PLXNA4: variants seen among roughly 807,000 people sequenced by gnomAD.
The protein encoded by PLXNA4 is plexin-A4.
Under a neutral mutation model 191.8 loss-of-function variants are expected in PLXNA4, and 44 were observed. The observed-to-expected ratio is 0.23, with a 90% CI of 0.18 to 0.29. The LOEUF (loss-of-function observed/expected upper bound fraction) is 0.29. Among genes scored for constraint, PLXNA4 ranks in the 10% least tolerant of loss-of-function variants. The pLI is 1.00. For synonymous variants in PLXNA4, 1,082 were observed against 1,009.5 expected, an observed-to-expected ratio of 1.07 and a Z score of -1.36; for missense variants, 1,800 against 2,488.8, an observed-to-expected ratio of 0.72 and a Z score of 5.89.
chr7:132,402,833 A>T (rs914556892), intron 3 of PLXNA4, among the ~76,000 whole-genome samples: 1 of 152,266 alleles, frequency 6.6e-6, no homozygotes, highest in Admixed American at 6.5e-5. Flanking sequence ...CAGCATGGAC[A>T]GAAACTGCGT....
chr7:132,278,350 G>C (rs1234508718), intron 4 of PLXNA4, among the ~76,000 whole-genome samples: 1 of 152,170 alleles, frequency 6.6e-6, no homozygotes, highest in African/African-American at 2.4e-5. Flanking sequence ...TCTGAGACTG[G>C]GAGGCAGACT....
At chr7:132,648,157 ACATT>A (rs561244744) in intron 1 of PLXNA4, among the ~76,000 whole-genome samples, 200 of 152,236 alleles carry the variant, frequency 1.3e-3, no homozygotes, top group Non-Finnish European at 2.5e-3. Flanking sequence ...ACTTATGCAT[ACATT>A]CAGTCACACA....
At chr7:132,348,404 C>T (rs529936919) in intron 3 of PLXNA4, among the ~76,000 whole-genome samples, 6 of 152,308 alleles carry the variant, frequency 3.9e-5, no homozygotes, top group East Asian at 3.9e-4. Flanking sequence ...AGGACACAAC[C>T]GACAAATCCA....
intron 4 of PLXNA4, among the ~76,000 whole-genome samples, chr7:132,286,818 C>A (rs1800699500): frequency 6.6e-6 from 1 of 152,188 alleles, no homozygotes; most frequent in African/African-American, 2.4e-5. Context: ...ACATAGCTCT[C>A]TCTGATTAGG....
At chr7:132,448,825 T>C (rs1427608870) in intron 3 of PLXNA4, among the ~76,000 whole-genome samples, 1 of 152,210 alleles carries the variant, frequency 6.6e-6, no homozygotes, top group Non-Finnish European at 1.5e-5. Context: ...TGCACATTTA[T>C]ACATAGCCCA....
intron 30 of PLXNA4, among the ~76,000 whole-genome samples, chr7:132,137,949 A>G (rs947035156): frequency 6.7e-6 from 1 of 150,126 alleles, no homozygotes; most frequent in African/African-American, 2.5e-5. Context: ...AAGATGGGTG[A>G]GAGGACAGAT....
At chr7:132,358,556 A>G (rs1803803814) in intron 3 of PLXNA4, among the ~76,000 whole-genome samples, 1 of 152,190 alleles carries the variant, frequency 6.6e-6, no homozygotes, top group Non-Finnish European at 1.5e-5. Context: ...ATCTTTGGGT[A>G]TGGCCGTTTA....
At chr7:132,258,402 ACT>A (rs1799506923) in intron 4 of PLXNA4, among the ~76,000 whole-genome samples, 1 of 151,966 alleles carries the variant, frequency 6.6e-6, no homozygotes. Flanking sequence ...GCTCTCTCTC[ACT>A]CATACTTCAG....
intron 21 of PLXNA4, among the ~76,000 whole-genome samples, chr7:132,174,378 C>A (rs942586680): frequency 2.0e-5 from 3 of 152,204 alleles, no homozygotes; most frequent in Admixed American, 2.0e-4. Flanking sequence ...AGTGGTAAAT[C>A]CCATATATAT....
intron 5 of PLXNA4, among the ~76,000 whole-genome samples, chr7:132,240,127 T>A (rs556910996): frequency 6.6e-5 from 10 of 152,334 alleles, no homozygotes; most frequent in African/African-American, 2.2e-4. Context: ...GTAGGAAGAC[T>A]AAGGTTTTTC....
Position 132,223,541 on chromosome 7 carries a change from C to A in PLXNA4, c.2083G>T (p.Val695Leu), listed in dbSNP as rs776801633. 1.9e-6 allele frequency: 3 copies of A among 1,613,174 alleles called. No individual in the cohort carries two copies. Among genetic ancestry groups the A allele is most frequent in the Admixed American group, 1.7e-5 (1 of 59,968 alleles). ...CAGGGACCTACCTCGGGCAGCTTCA[C>A]TCGGCCTTCCTGGAAGGAGCAGGTC... ...PKTCSFQEGR[V>L]KLPEDCPQLL... The change falls in exon 9 of 32, where the codon GTG (valine) becomes TTG (leucine). Residue 695 changes from valine (V) to leucine (L), a missense_variant. By Grantham distance (32) the Val-to-Leu change is conservative. This residue lies in a region of PLXNA4 where 1,397 missense variants were observed against 1,880.4 expected (regional missense o/e 0.74). Coordinates refer to ENST00000321063, the MANE Select transcript of PLXNA4 (RefSeq NM_020911.2).
intron 14 of PLXNA4, among the ~76,000 whole-genome samples, chr7:132,191,336 C>T (rs954371336): frequency 6.6e-6 from 1 of 152,142 alleles, no homozygotes; most frequent in African/African-American, 2.4e-5. Flanking sequence ...CACAGCCCAA[C>T]AGGATTGTAG....
intron 16 of PLXNA4, among the ~76,000 whole-genome samples, chr7:132,184,136 T>C (rs1031884007): frequency 2.0e-5 from 3 of 152,206 alleles, no homozygotes; most frequent in Non-Finnish European, 2.9e-5. Context: ...AGACCACTTC[T>C]GCATGTACTT....
At chr7:132,391,479 G>C (rs915028131) in intron 3 of PLXNA4, among the ~76,000 whole-genome samples, 1 of 152,224 alleles carries the variant, frequency 6.6e-6, no homozygotes, top group Admixed American at 6.5e-5. Flanking sequence ...GGATCCTGGG[G>C]CTAGCCAAAG....
intron 2 of PLXNA4, among the ~76,000 whole-genome samples, chr7:132,590,719 C>T (rs1374751558): frequency 6.6e-6 from 1 of 152,188 alleles, no homozygotes; most frequent in Non-Finnish European, 1.5e-5. Context: ...TGTGCCTCTC[C>T]TAGTCCAACT....
At chr7:132,488,023 G>A (rs930672736) in intron 3 of PLXNA4, among the ~76,000 whole-genome samples, 1 of 152,192 alleles carries the variant, frequency 6.6e-6, no homozygotes, top group Non-Finnish European at 1.5e-5. Context: ...AAATTAGGCA[G>A]TTACTTCCTC....
chr7:132,477,288 G>T (rs991224490), intron 3 of PLXNA4, among the ~76,000 whole-genome samples: 6 of 152,174 alleles, frequency 3.9e-5, no homozygotes, highest in Non-Finnish European at 7.3e-5. Flanking sequence ...TCCAGGCAGG[G>T]TTATATTTTC....
intron 3 of PLXNA4, among the ~76,000 whole-genome samples, chr7:132,325,204 T>G (rs1263171789): frequency 6.6e-6 from 1 of 152,244 alleles, no homozygotes; most frequent in African/African-American, 2.4e-5. Context: ...CTAGGGTGCC[T>G]AACAGTTTCT....
In PLXNA4 at chr7:132,354,745, C is replaced by T. The variant is rs182289606; in HGVS notation, c.1372-56523G>A. ...TCCTCCCTCCACTTAGCAACCAGCA[C>T]GTACAGATGTGGCAAAGGCAGAGAA... On this transcript the variant is annotated intron_variant, in intron 3 of 31. Coordinates refer to ENST00000321063, the MANE Select transcript of PLXNA4 (RefSeq NM_020911.2). 1.1e-4 allele frequency among the ~76,000 whole-genome samples: 17 copies of T among 152,246 alleles called. No homozygotes were observed. The South Asian group carries it at 1.5e-3, about 13-fold the overall frequency.
Sources: gnomAD v4.1 joint callset for allele counts (sites outside exome capture counted in the v4.1 genomes callset) on GRCh38, gnomAD v4.1.1 for gene constraint, gnomAD v4.1.1 regional missense constraint, MANE v1.5 for transcripts, NCBI Gene and HGNC (gene_info 2026-07-23, HGNC 2026-07-21) for gene names.